PRKD3: variants seen among roughly 807,000 people sequenced by gnomAD.
PRKD3 encodes the protein protein kinase D3.
A neutral mutation model predicts 99.2 loss-of-function variants in PRKD3; 47 were observed. The ratio of observed to expected loss-of-function variants is 0.47; its 90% confidence interval spans 0.38 to 0.60. The LOEUF is 0.60. PRKD3 is among the 20% of genes least tolerant of loss of function. The probability of loss-of-function intolerance (pLI) is 0.00; values close to 1 mark genes in which losing one functional copy is unlikely to be tolerated. For missense variants in PRKD3, 1,019 were observed against 1,088.4 expected (o/e 0.94, Z 0.90); for synonymous variants, 392 against 355.4 (o/e 1.10, Z -1.16).
chr2:37,312,809 G>A (rs1671494453), intron 2 of PRKD3, among the ~76,000 whole-genome samples: 1 of 152,106 alleles, frequency 6.6e-6, no homozygotes, highest in East Asian at 1.9e-4. Flanking sequence ...GTATTTATTG[G>A]TTGACGAAAA....
Position 37,316,703 on chromosome 2 carries a change from GC to G in PRKD3, c.-180del. 1.4e-6 allele frequency: 2 copies of G among 1,425,924 alleles called. No homozygotes were observed. The highest frequency in any genetic ancestry group is 1.4e-5 in the African/African-American group (1 of 69,642). The allele number at this position is 1,425,924 out of a possible 1,614,324, so 88.3% of individuals were successfully genotyped here. On this transcript the variant is annotated 5_prime_UTR_variant, in exon 2 of 19. The change abolishes the stop of an existing upstream ORF in the 5' untranslated region. Coordinates refer to ENST00000234179, the MANE Select transcript of PRKD3 (RefSeq NM_005813.6). ...TTTAAGTTTTATCAAGGAGTTGAAT[GC>G]CCCAAAGGTCCTATTTCTCTTAATA...
chr2:37,254,839 A>G (rs2300893), intron 17 of PRKD3, among the ~76,000 whole-genome samples: 52,390 of 152,100 alleles, frequency 0.34, 9,818 homozygotes, highest in East Asian at 0.44. Context: ...CTTAACTACC[A>G]AAAGTTTACA....
chr2:37,316,647 T>C lies in PRKD3; in HGVS notation c.-123A>G, dbSNP rs1247022611. 6.8e-7 allele frequency: 1 copy of C among 1,466,186 alleles called. No homozygotes were observed. The highest frequency in any genetic ancestry group is 9.0e-7 in the Non-Finnish European group (1 of 1,117,104). The allele number at this position is 1,466,186 out of a possible 1,614,324, so 90.8% of individuals were successfully genotyped here. On this transcript the variant is annotated 5_prime_UTR_variant, in exon 2 of 19. Transcript: ENST00000234179. ...TTGGATTTAGTTGAAAACTTCTTTA[T>C]TTCCTCTGTTAAGCCACTCATGCCG... is the stretch of plus-strand genomic sequence containing the variant.
At position 37,280,032 on chromosome 2, in the gene PRKD3, A is replaced by C. The variant is rs1669775247; in HGVS notation, c.989-103T>G. 8 of 714,986 alleles carry C rather than the reference A, an allele frequency of 1.1e-5. No homozygotes were observed. In the East Asian group the frequency reaches 2.5e-4, roughly 22 times the overall value. 44.3% of individuals were successfully genotyped at this position (714,986 alleles called of 1,614,324 possible). ...TCTTAAAATGTAAGAAAATATCTTT[A>C]TGAGTTAAGTAAAGTATTTCTCTTT... On this transcript the variant is annotated intron_variant, in intron 7 of 18. Coordinates refer to ENST00000234179, the MANE Select transcript of PRKD3 (RefSeq NM_005813.6).
intron 1 of PRKD3, among the ~76,000 whole-genome samples, chr2:37,319,799 T>C (rs951736602): frequency 1.3e-5 from 2 of 151,842 alleles, no homozygotes; most frequent in African/African-American, 4.8e-5. Context: ...AATAATGTCA[T>C]GTGATAAAAA....
intron 6 of PRKD3, among the ~76,000 whole-genome samples, chr2:37,283,955 T>A (rs995482863): frequency 1.3e-5 from 2 of 150,958 alleles, no homozygotes; most frequent in Non-Finnish European, 3.0e-5. Flanking sequence ...CCTGCAAGTA[T>A]GTAGGTTTGA....
intron 13 of PRKD3, chr2:37,269,398 A>T (rs1669068854): frequency 5.5e-6 from 3 of 548,972 alleles, no homozygotes; most frequent in Non-Finnish European, 9.8e-6. Context: ...ACACACTGTA[A>T]AATTTTCTGA....
chr2:37,258,897 T>A lies in PRKD3; in HGVS notation c.2145+686A>T, dbSNP rs75428435. ...AAACAATAGTTTGGCAACAGATATTTGAGCTGATCGGAGGAATCATCCTTG... is the reference window on the plus strand; with the variant it reads ...AAACAATAGTTTGGCAACAGATATTAGAGCTGATCGGAGGAATCATCCTTG... On this transcript the variant is annotated intron_variant, in intron 16 of 18. Coordinates refer to ENST00000234179, the MANE Select transcript of PRKD3 (RefSeq NM_005813.6). Among the ~76,000 whole-genome samples the A allele has an allele frequency of 5.9e-5, 9 of 152,352 alleles. No individual in the cohort carries two copies. In the East Asian group the frequency reaches 1.7e-3, roughly 29 times the overall value.
At chr2:37,312,056 G>T (rs1252866987) in intron 2 of PRKD3, among the ~76,000 whole-genome samples, 1 of 152,116 alleles carries the variant, frequency 6.6e-6, no homozygotes, top group Non-Finnish European at 1.5e-5. Context: ...TTAAAACTAG[G>T]TTTTTTTCTT....
chr2:37,324,159 G>T, intron 1 of PRKD3: 1 of 985,084 alleles, frequency 1.0e-6, no homozygotes, highest in Non-Finnish European at 1.2e-6. Context: ...CGGGATACTG[G>T]GGCGAGGGGC....
rs79194807 is a variant in PRKD3, at chr2:37,310,675, G to C, written c.288+5562C>G. On this transcript the variant is annotated intron_variant, in intron 2 of 18. Transcript: ENST00000234179. Reference sequence around the variant, plus strand: ...CATTATGAATGTTAAAATACAATGTGTTGGATAGGATGCCAACATCCATAC... The same window carrying C: ...CATTATGAATGTTAAAATACAATGTCTTGGATAGGATGCCAACATCCATAC... Among the ~76,000 whole-genome samples the C allele has an allele frequency of 4.5e-4, 68 of 152,294 alleles. 1 individual carries two copies. The East Asian group carries it at 0.011, about 25-fold the overall frequency.
intron 2 of PRKD3, among the ~76,000 whole-genome samples, chr2:37,301,541 C>T (rs1670932683): frequency 1.3e-5 from 2 of 151,986 alleles, no homozygotes; most frequent in South Asian, 4.1e-4. Flanking sequence ...TCAAGCAATC[C>T]TTTAGCCTCA....
In PRKD3 at chr2:37,286,247, G is replaced by C; in HGVS notation, c.840C>G (p.Thr280=). Residue 280 remains threonine, a synonymous_variant, in exon 6 of 19, where the codon ACC becomes ACG. Transcript: ENST00000234179. Reference sequence around the variant, plus strand: ...TGCAGTACTGACATATCGTGGGACGGGTGTAAGAGTGAACAGCAAATGTGT... The same window carrying C: ...TGCAGTACTGACATATCGTGGGACGCGTGTAAGAGTGAACAGCAAATGTGT... ...VPHTFAVHSY[T]RPTICQYCKR... 1 of 1,614,032 alleles carries C rather than the reference G, an allele frequency of 6.2e-7. No homozygotes were observed. Among genetic ancestry groups the C allele is most frequent in the Non-Finnish European group, 8.5e-7 (1 of 1,179,960 alleles).
chr2:37,289,462 C>T lies in PRKD3; in HGVS notation c.611G>A (p.Cys204Tyr). 1.2e-6 allele frequency: 2 copies of T among 1,613,716 alleles called. No homozygotes were observed. Among genetic ancestry groups the T allele is most frequent in the Non-Finnish European group, 1.7e-6 (2 of 1,179,724 alleles). The change falls in exon 5 of 19, where the codon TGT becomes TAT. Residue 204 changes from cysteine to tyrosine, a missense_variant. Cys to Tyr is a radical substitution (Grantham distance 194). Around this residue, in one of 3 missense-constraint regions of PRKD3, gnomAD observed 710 missense variants for 692.7 expected, o/e 1.02. Transcript: ENST00000234179. ...CAGACGTCTCTTTCTTACTCCACTA[C>T]AGTTATTTGGAATCTTGAAGGCACA... ...KRCAFKIPNN[C>Y]SGVRKRRLSN...
At position 37,282,549 on chromosome 2, in the gene PRKD3, G is replaced by C. The variant is rs192490203; in HGVS notation, c.981C>G (p.Phe327Leu). Reference protein sequence around the residue: ...VPRDCLGEVTFNGEPSSLGTD... With the variant: ...VPRDCLGEVTLNGEPSSLGTD... Reference sequence around the variant, plus strand: ...TAAGAAAAATAATTTTACCTCCATTGAAAGTAACCTCTCCAAGGCAGTCTC... The same window carrying C: ...TAAGAAAAATAATTTTACCTCCATTCAAAGTAACCTCTCCAAGGCAGTCTC... Residue 327 changes from phenylalanine to leucine, a missense_variant, in exon 7 of 19, where the codon TTC becomes TTG. Physicochemically the swap from Phe to Leu is conservative, Grantham distance 22. Coordinates refer to ENST00000234179, the MANE Select transcript of PRKD3 (RefSeq NM_005813.6). 4.9e-4 allele frequency: 768 copies of C among 1,577,244 alleles called. No homozygotes were observed. The highest frequency in any genetic ancestry group is 5.2e-4 in the Non-Finnish European group (601 of 1,147,608).
intron 16 of PRKD3, among the ~76,000 whole-genome samples, chr2:37,257,694 AG>A (rs1668089159): frequency 1.3e-5 from 2 of 149,374 alleles, no homozygotes; most frequent in African/African-American, 2.5e-5. Flanking sequence ...AAAAAAAAAA[AG>A]TTACAGTATT....
intron 2 of PRKD3, among the ~76,000 whole-genome samples, chr2:37,310,336 A>G (rs1298541963): frequency 1.3e-5 from 2 of 152,192 alleles, no homozygotes; most frequent in Non-Finnish European, 2.9e-5. Context: ...CTATTTGCTA[A>G]GTATTGGGCT....
chr2:37,258,197 A>G (rs1167654593), intron 16 of PRKD3, among the ~76,000 whole-genome samples: 2 of 152,246 alleles, frequency 1.3e-5, no homozygotes. Flanking sequence ...AACAGTGCCT[A>G]GAAAACGAAG....
chr2:37,280,054 C>A, intron 7 of PRKD3, 125 bp from the exon 8 acceptor site: 2 of 463,678 alleles, frequency 4.3e-6, no homozygotes, highest in East Asian at 4.5e-5. Context: ...AAGTATTTCT[C>A]TTTTTTTTTT....
Sources: gnomAD v4.1 joint callset for allele counts (sites outside exome capture counted in the v4.1 genomes callset) on GRCh38, gnomAD v4.1.1 for gene constraint, gnomAD v4.1.1 regional missense constraint, MANE v1.5 for transcripts, NCBI Gene and HGNC (gene_info 2026-07-23, HGNC 2026-07-21) for gene names.